The following GC variants were observed in gnomAD, a reference collection of about 807,000 sequenced individuals.
The protein encoded by GC is GC vitamin D binding protein.
Under a neutral mutation model 56.7 loss-of-function variants are expected in GC, and 43 were observed. That is an observed-to-expected ratio of 0.76 (90% confidence interval 0.59 to 0.98). GC has a LOEUF of 0.98. Among genes scored for constraint, GC ranks in the 50% least tolerant of loss-of-function variants. GC has a pLI of 0.00. For missense variants in GC, 529 were observed against 545.9 expected, an observed-to-expected ratio of 0.97 and a Z score of 0.31; for synonymous variants, 216 against 202.7, an observed-to-expected ratio of 1.07 and a Z score of -0.56.
chr4:71,760,195 C>A (rs918754165), intron 6 of GC, among the ~76,000 whole-genome samples: 1 of 151,544 alleles, frequency 6.6e-6, no homozygotes, highest in Non-Finnish European at 1.5e-5. Context: ...AGGCGCCCAC[C>A]ACCATGCCTG....
Position 71,741,734 on chromosome 4 carries a change from T to A in GC, c.*162A>T. On this transcript the variant is annotated 3_prime_UTR_variant, in exon 13 of 13. Transcript: ENST00000273951. ...TATTTCAATTTATTTTGATAGCAAA[T>A]CATCATACTTGTCATTGTATGAAGA... 1.5e-6 allele frequency: 1 copy of A among 678,772 alleles called. No homozygotes were observed. Among genetic ancestry groups the A allele is most frequent in the Non-Finnish European group, 2.7e-6 (1 of 376,088 alleles). The allele number at this position is 678,772 out of a possible 1,614,324, so 42.0% of individuals were successfully genotyped here. A position where few individuals can be genotyped will look rare whatever the true frequency, so the allele number is the denominator to read the frequency against.
intron 1 of GC, among the ~76,000 whole-genome samples, chr4:71,799,074 A>C (rs979338779): frequency 6.6e-6 from 1 of 152,154 alleles, no homozygotes; most frequent in African/African-American, 2.4e-5. Flanking sequence ...CCCTTTTGGC[A>C]TGACAGTGTG....
intron 1 of GC, among the ~76,000 whole-genome samples, chr4:71,798,355 A>G (rs1288484684): frequency 6.6e-6 from 1 of 152,194 alleles, no homozygotes; most frequent in Non-Finnish European, 1.5e-5. Flanking sequence ...TATCTGAACT[A>G]TGAGTGACAT....
chr4:71,758,784 T>C (rs1491719), intron 6 of GC, among the ~76,000 whole-genome samples: 23,270 of 152,122 alleles, frequency 0.15, 2,970 homozygotes, highest in African/African-American at 0.35. Flanking sequence ...GTGGTGAAAA[T>C]GACATTAAAT....
At chr4:71,770,633 C>A (rs1379883007) in intron 1 of GC, among the ~76,000 whole-genome samples, 3 of 152,066 alleles carry the variant, frequency 2.0e-5, no homozygotes, top group African/African-American at 7.2e-5. Flanking sequence ...CCTGTGTTAG[C>A]CCTGGAGGAG....
chr4:71,758,138 A>C lies in GC; in HGVS notation c.735T>G (p.Thr245=). ...GTGGCAAAACATCCTCCAGATCAGC[A>C]GTAGGCACTTTTTGGGCTAACTTTA... ...NLIKLAQKVP[T]ADLEDVLPLA... The change falls in exon 7 of 13, where the codon ACT becomes ACG. Residue 245 remains threonine, a synonymous_variant. Transcript: ENST00000273951. 6.2e-7 allele frequency: 1 copy of C among 1,613,390 alleles called. No homozygotes were observed. Among genetic ancestry groups the C allele is most frequent in the South Asian group, 1.1e-5 (1 of 91,048 alleles).
chr4:71,762,139 T>G (rs903872954), intron 6 of GC, among the ~76,000 whole-genome samples: 1 of 152,184 alleles, frequency 6.6e-6, no homozygotes, highest in Non-Finnish European at 1.5e-5. Flanking sequence ...GGCTGTACCC[T>G]GCAAAGCCAC....
rs1405037193 is a variant in GC at position 71,768,341 on chromosome 4, C to T, written c.221G>A (p.Cys74Tyr). Residue 74 changes from cysteine to tyrosine, a missense_variant, in exon 3 of 13, where the codon TGC (cysteine) becomes TAC (tyrosine). Cys to Tyr is a radical substitution (Grantham distance 194, BLOSUM62 -2). Transcript: ENST00000273951. ...GTCAGGGTCAGCCCCTTCCGCACAG[C>T]AGGCTTCGGTCAAGGAGACAACTTC... ...VKEVVSLTEA[C>Y]CAEGADPDCY... 1 of 1,613,392 alleles carries T rather than the reference C, an allele frequency of 6.2e-7. No individual in the cohort carries two copies.
chr4:71,769,452 A>G (rs779542735), intron 1 of GC, 52 bp from the exon 2 acceptor site: 6 of 1,160,110 alleles, frequency 5.2e-6, no homozygotes, highest in Non-Finnish European at 5.2e-6. Flanking sequence ...GATGAATATT[A>G]TGTTACATGT....
At chr4:71,756,117 A>T (rs1458502149) in intron 8 of GC, among the ~76,000 whole-genome samples, 3 of 151,650 alleles carry the variant, frequency 2.0e-5, no homozygotes, top group African/African-American at 7.3e-5. Flanking sequence ...AGAAAAAAAT[A>T]TTCTGTGCTT....
chr4:71,774,557 C>T (rs1019564055), intron 1 of GC, among the ~76,000 whole-genome samples: 17 of 151,946 alleles, frequency 1.1e-4, no homozygotes, highest in Non-Finnish European at 2.1e-4. Flanking sequence ...GTGATATCCC[C>T]TGCATTTAAT....
At chr4:71,805,451 T>C (rs1743343118), upstream of GC, among the ~76,000 whole-genome samples, 1 of 152,140 alleles carries the variant, frequency 6.6e-6, no homozygotes, top group African/African-American at 2.4e-5. Flanking sequence ...AAAAGAGTAC[T>C]CAGACACAGG....
intron 1 of GC, among the ~76,000 whole-genome samples, chr4:71,801,208 C>T (rs1436078517): frequency 6.6e-6 from 1 of 152,102 alleles, no homozygotes; most frequent in Non-Finnish European, 1.5e-5. Flanking sequence ...TACACAAATC[C>T]AATAGGCACA....
intron 1 of GC, among the ~76,000 whole-genome samples, chr4:71,798,796 G>T (rs955972017): frequency 6.6e-6 from 1 of 152,178 alleles, no homozygotes; most frequent in Non-Finnish European, 1.5e-5. Context: ...CACTATAGAT[G>T]GATGGGAGTG....
At chr4:71,755,153 T>TATTTATTGG in intron 8 of GC, 46 bp from the exon 9 acceptor site, 1 of 607,126 alleles carries the variant, frequency 1.6e-6, no homozygotes, top group Non-Finnish European at 2.3e-6. Context: ...ATTTCCTATT[T>TATTTATTGG]ATTTATTTAT....
intron 1 of GC, among the ~76,000 whole-genome samples, chr4:71,791,296 C>T (rs1393658860): frequency 6.6e-6 from 1 of 151,998 alleles, no homozygotes. Context: ...GCACTATAAA[C>T]ATGATTTTTC....
intron 1 of GC, among the ~76,000 whole-genome samples, chr4:71,774,681 T>A (rs1742451184): frequency 6.6e-6 from 1 of 152,156 alleles, no homozygotes; most frequent in East Asian, 1.9e-4. Flanking sequence ...GTGGTACTGT[T>A]CTAAATATTT....
intron 10 of GC, among the ~76,000 whole-genome samples, chr4:71,754,204 C>A (rs577919990): frequency 2.9e-4 from 44 of 152,286 alleles, no homozygotes; most frequent in Non-Finnish European, 3.5e-4. Flanking sequence ...TCCTTCACCC[C>A]TCTCCTACCC....
At chr4:71,781,926 A>G (rs1156993785) in intron 1 of GC, among the ~76,000 whole-genome samples, 7 of 151,776 alleles carry the variant, frequency 4.6e-5, no homozygotes, top group Non-Finnish European at 1.0e-4. Flanking sequence ...AAGGTTTCCA[A>G]AGAATAGTTC....
Sources: allele counts gnomAD v4.1 joint callset (sites outside exome capture counted in the v4.1 genomes callset), GRCh38; gene constraint gnomAD v4.1.1; transcripts MANE v1.5; gene names NCBI Gene and HGNC (gene_info 2026-07-23, HGNC 2026-07-21).